TBC1D5: variants seen among roughly 807,000 people sequenced by gnomAD.
TBC1D5 encodes TBC1 domain family, member 5.
Under a neutral mutation model 100.3 loss-of-function variants are expected in TBC1D5, and 75 were observed. The observed-to-expected ratio is 0.75, with a 90% CI of 0.62 to 0.91. TBC1D5 has a LOEUF of 0.91. Among genes scored for constraint, TBC1D5 ranks in the 40% least tolerant of loss-of-function variants. The pLI is 0.00. For synonymous variants in TBC1D5, 323 were observed against 325.6 expected, an observed-to-expected ratio of 0.99 and a Z score of 0.09; for missense variants, 910 against 942.4, an observed-to-expected ratio of 0.97 and a Z score of 0.45.
chr3:17,586,426 A>C (rs1410248366), intron 2 of TBC1D5: 1 of 152,144 alleles, frequency 6.6e-6, no homozygotes, highest in Non-Finnish European at 1.5e-5. Context: ...TAGATCAAAA[A>C]TGACTTAGGC....
At chr3:17,317,038 A>G (rs2084780765) in intron 13 of TBC1D5, among the ~76,000 whole-genome samples, 1 of 152,122 alleles carries the variant, frequency 6.6e-6, no homozygotes, top group Non-Finnish European at 1.5e-5. Context: ...AATCCCATCA[A>G]TCTGGTTTAC....
At chr3:17,544,016 C>T (rs1020330213) in intron 2 of TBC1D5, among the ~76,000 whole-genome samples, 7 of 151,968 alleles carry the variant, frequency 4.6e-5, no homozygotes, top group African/African-American at 1.7e-4. Flanking sequence ...TATAGGCACG[C>T]ACCACCATGC....
At chr3:17,310,549 C>T (rs910617056) in intron 13 of TBC1D5, among the ~76,000 whole-genome samples, 1 of 152,016 alleles carries the variant, frequency 6.6e-6, no homozygotes, top group Non-Finnish European at 1.5e-5. Context: ...CCTCTATACA[C>T]TTTGCTAAGT....
intron 15 of TBC1D5, among the ~76,000 whole-genome samples, chr3:17,287,798 C>T (rs536307018): frequency 3.3e-5 from 5 of 152,214 alleles, no homozygotes; most frequent in African/African-American, 1.2e-4. Context: ...ATGTATTCTC[C>T]ACTGAGCAAT....
At chr3:17,175,413 G>A (rs976220585) in intron 19 of TBC1D5, among the ~76,000 whole-genome samples, 5 of 152,124 alleles carry the variant, frequency 3.3e-5, no homozygotes, top group East Asian at 1.9e-4. Context: ...CACCCTGTGC[G>A]CCAGAGAGTA....
intron 2 of TBC1D5, chr3:17,622,568 G>C (rs1372706252): frequency 6.7e-6 from 1 of 150,004 alleles, no homozygotes; most frequent in Non-Finnish European, 1.5e-5. Context: ...AAAAAATTAA[G>C]ATTTTTTTTT....
At chr3:17,212,860 A>T (rs1686524567) in intron 18 of TBC1D5, among the ~76,000 whole-genome samples, 1 of 152,198 alleles carries the variant, frequency 6.6e-6, no homozygotes, top group African/African-American at 2.4e-5. Flanking sequence ...TTAAAAAAAT[A>T]AAAGTTTATA....
intron 17 of TBC1D5, among the ~76,000 whole-genome samples, chr3:17,225,622 T>C (rs906575371): frequency 6.6e-6 from 1 of 151,786 alleles, no homozygotes; most frequent in East Asian, 1.9e-4. Flanking sequence ...GGCAACATAG[T>C]GAGAACCAAA....
intron 2 of TBC1D5, among the ~76,000 whole-genome samples, chr3:17,520,099 T>C (rs1224772220): frequency 6.6e-6 from 1 of 152,240 alleles, no homozygotes; most frequent in Non-Finnish European, 1.5e-5. Context: ...TTACTTAGAA[T>C]GTTTTCTTTT....
chr3:17,510,918 GGAGT>G, intron 2 of TBC1D5, among the ~76,000 whole-genome samples: 1 of 152,052 alleles, frequency 6.6e-6, no homozygotes, highest in Middle Eastern at 3.4e-3. Flanking sequence ...AATCACACAA[GGAGT>G]AAGTATTAAA....
At chr3:17,349,877 A>G (rs1228838179) in intron 13 of TBC1D5, among the ~76,000 whole-genome samples, 3 of 152,222 alleles carry the variant, frequency 2.0e-5, no homozygotes, top group Non-Finnish European at 4.4e-5. Flanking sequence ...CCCTAATGAA[A>G]GCAGTTAACA....
At chr3:17,533,889 C>CAGATAGACAGATAGATAGATAGAT (rs1553822294) in intron 2 of TBC1D5, among the ~76,000 whole-genome samples, 16 of 151,824 alleles carry the variant, frequency 1.1e-4, no homozygotes, top group African/African-American at 3.9e-4. Flanking sequence ...ACCTATCATT[C>CAGATAGACAGATAGATAGATAGAT]AGATAGATAG....
intron 17 of TBC1D5, among the ~76,000 whole-genome samples, chr3:17,218,099 TA>T (rs1279799252): frequency 6.6e-6 from 1 of 152,048 alleles, no homozygotes; most frequent in Non-Finnish European, 1.5e-5. Context: ...GAACTATTTG[TA>T]AAAAAGACTA....
exon 17 of TBC1D5, chr3:17,238,374 A>G (rs747226450): frequency 1.2e-6 from 2 of 1,613,964 alleles, no homozygotes; most frequent in South Asian, 1.1e-5. Flanking sequence ...TAATCAGGCT[A>G]TTAGAGACCT....
chr3:17,309,782 CA>C (rs2083793476), intron 13 of TBC1D5, among the ~76,000 whole-genome samples: 3 of 151,952 alleles, frequency 2.0e-5, no homozygotes, highest in African/African-American at 7.2e-5. Context: ...CAAAGAGTAC[CA>C]GGGGAACCAG....
At chr3:17,409,825 A>G (rs1414032896) in intron 4 of TBC1D5, among the ~76,000 whole-genome samples, 1 of 152,208 alleles carries the variant, frequency 6.6e-6, no homozygotes, top group East Asian at 1.9e-4. Context: ...GTTGGAAGGT[A>G]GCAGAGGTTG....
chr3:17,435,410 C>T (rs1446938555), intron 3 of TBC1D5, among the ~76,000 whole-genome samples: 1 of 152,178 alleles, frequency 6.6e-6, no homozygotes. Flanking sequence ...TTTCGCATGG[C>T]TGGGGAGGCC....
At chr3:17,297,008 C>G (rs1416941951) in intron 14 of TBC1D5, among the ~76,000 whole-genome samples, 3 of 152,184 alleles carry the variant, frequency 2.0e-5, no homozygotes, top group Non-Finnish European at 4.4e-5. Context: ...CATAAGAGAT[C>G]TTTACTCAGT....
At chr3:17,178,772 T>C (rs1229005097) in intron 19 of TBC1D5, among the ~76,000 whole-genome samples, 1 of 152,148 alleles carries the variant, frequency 6.6e-6, no homozygotes, top group Non-Finnish European at 1.5e-5. Context: ...CCTGAGTAGA[T>C]GGGACTACAG....
Sources: allele counts gnomAD v4.1 joint callset (sites outside exome capture counted in the v4.1 genomes callset), GRCh38; gene constraint gnomAD v4.1.1; transcripts MANE v1.5; gene names NCBI Gene and HGNC (gene_info 2026-07-23, HGNC 2026-07-21).